NDUFA6: variants seen among roughly 807,000 people sequenced by gnomAD.
NDUFA6 encodes the protein NADH:ubiquinone oxidoreductase subunit A6.
A neutral mutation model predicts 12.5 loss-of-function variants in NDUFA6; 10 were observed. The ratio of observed to expected loss-of-function variants is 0.80; its 90% CI spans 0.49 to 1.35. The LOEUF (loss-of-function observed/expected upper bound fraction) is 1.35, where lower values mean the gene tolerates loss of function less well. Ranked by LOEUF, NDUFA6 falls within the 40% of genes most tolerant of loss-of-function variation. NDUFA6 has a pLI of 0.00. For missense variants in NDUFA6, 177 were observed against 173.5 expected (o/e 1.02, Z -0.11); for synonymous variants, 66 against 63.0 (o/e 1.05, Z -0.23).
rs900450417 is a variant in NDUFA6 at position 42,090,690 on chromosome 22, G to A, written c.55C>T (p.Pro19Ser). Residue 19 changes from proline to serine, a missense_variant, in exon 1 of 3, where the codon CCC (proline) becomes TCC (serine). Physicochemically the swap from Pro to Ser is moderately conservative, Grantham distance 74. Transcript: ENST00000498737. ...ATSTASTFVKPIFSRDMNEAK... is the reference protein window; with the variant it reads ...ATSTASTFVKSIFSRDMNEAK... ...TCGTTCATGTCCCGACTGAAAATGG[G>A]CTTCACGAAGGTGCTGGCGGTAGAA... 1.2e-6 allele frequency: 2 copies of A among 1,614,164 alleles called. No homozygotes were observed. Among genetic ancestry groups the A allele is most frequent in the Non-Finnish European group, 1.7e-6 (2 of 1,180,032 alleles).
Position 42,085,739 on chromosome 22 carries a change from A to G in NDUFA6, c.*444T>C, listed in dbSNP as rs1172757329. 1 of 252,604 alleles carries G rather than the reference A, an allele frequency of 4.0e-6. No individual in the cohort carries two copies. Among genetic ancestry groups the G allele is most frequent in the Non-Finnish European group, 7.8e-6 (1 of 127,700 alleles). The allele number at this position is 252,604 out of a possible 1,614,324, so 15.6% of individuals were successfully genotyped here. On this transcript the variant is annotated 3_prime_UTR_variant, in exon 3 of 3. Coordinates refer to ENST00000498737, the MANE Select transcript of NDUFA6 (RefSeq NM_002490.6). Reference sequence around the variant, plus strand: ...GCACATCCATTTTCTTCAGAACCCAAGGAAAACTAGCCCATCTTGACAGCT... The same window carrying G: ...GCACATCCATTTTCTTCAGAACCCAGGGAAAACTAGCCCATCTTGACAGCT...
chr22:42,088,980 C>A (rs1238948474), intron 1 of NDUFA6, among the ~76,000 whole-genome samples: 1 of 151,906 alleles, frequency 6.6e-6, no homozygotes, highest in East Asian at 1.9e-4. Context: ...TTGACCCCTT[C>A]TTTTCTCTCC....
chr22:42,089,049 C>G (rs1228752622), intron 1 of NDUFA6, among the ~76,000 whole-genome samples: 1 of 152,128 alleles, frequency 6.6e-6, no homozygotes, highest in Non-Finnish European at 1.5e-5. Context: ...CTCTCAAGAC[C>G]CTTCTGACTT....
intron 1 of NDUFA6, among the ~76,000 whole-genome samples, chr22:42,088,448 G>T (rs1459503319): frequency 6.6e-6 from 1 of 151,742 alleles, no homozygotes; most frequent in Non-Finnish European, 1.5e-5. Context: ...AGCTGGGCGC[G>T]GTGGCTCACG....
At chr22:42,086,656 A>G (rs1286087636) in intron 2 of NDUFA6, among the ~76,000 whole-genome samples, 1 of 152,174 alleles carries the variant, frequency 6.6e-6, no homozygotes, top group African/African-American at 2.4e-5. Flanking sequence ...TGAAGCTCCC[A>G]TTGATGCTAA....
rs755171177 is a variant in NDUFA6 at position 42,090,619 on chromosome 22, C to T, written c.126G>A (p.Glu42=). The T allele has an allele frequency of 1.9e-6, 3 of 1,613,952 alleles. No individual in the cohort carries two copies. In the East Asian group the frequency reaches 6.7e-5, roughly 36 times the overall value. The change falls in exon 1 of 3, where the codon GAG becomes GAA. Residue 42 remains glutamate (E), a synonymous_variant. Transcript: ENST00000498737. ...GCTACCTCTCACCAGTGTTCGGCAC[C>T]TCCCGATACCAGGCGCGGTAGAGCT... ...VRELYRAWYR[E]VPNTVHQFQL...
In NDUFA6 at chr22:42,087,090, G is replaced by T; in HGVS notation, c.225C>A (p.Asp75Glu). Reference protein sequence around the residue: ...EMFMKNAHVTDPRVVDLLVIK... With the variant: ...EMFMKNAHVTEPRVVDLLVIK... Reference sequence around the variant, plus strand: ...TGACCAGAAGATCAACCACCCTGGGGTCTGTGACATGGGCATTCTTCATAA... The same window carrying T: ...TGACCAGAAGATCAACCACCCTGGGTTCTGTGACATGGGCATTCTTCATAA... The change falls in exon 2 of 3, where the codon GAC (aspartate) becomes GAA (glutamate). Residue 75 changes from aspartate to glutamate, a missense_variant. Physicochemically the swap from Asp to Glu is conservative, Grantham distance 45. This residue lies in a region of NDUFA6 where 62 missense variants were observed against 69.4 expected (regional missense o/e 0.89). Coordinates refer to ENST00000498737, the MANE Select transcript of NDUFA6 (RefSeq NM_002490.6). The T allele has an allele frequency of 5.0e-6, 8 of 1,614,048 alleles. No individual in the cohort carries two copies. The highest frequency in any genetic ancestry group is 5.9e-6 in the Non-Finnish European group (7 of 1,179,896).
At chr22:42,086,555 G>A (rs960519379) in intron 2 of NDUFA6, among the ~76,000 whole-genome samples, 5 of 152,180 alleles carry the variant, frequency 3.3e-5, no homozygotes, top group African/African-American at 1.2e-4. Flanking sequence ...AAACATACAG[G>A]TTAACAGGCT....
At chr22:42,089,303 C>A (rs901454583) in intron 1 of NDUFA6, among the ~76,000 whole-genome samples, 2 of 148,086 alleles carry the variant, frequency 1.4e-5, no homozygotes, top group African/African-American at 5.1e-5. Flanking sequence ...TTTCAAACTG[C>A]TGAATTTGAA....
Position 42,090,100 on chromosome 22 carries a change from T to A in NDUFA6, c.139+506A>T, listed in dbSNP as rs192654438. 526 of 187,718 alleles carry A rather than the reference T, an allele frequency of 2.8e-3. 9 individuals are homozygous for A. Among genetic ancestry groups the A allele is most frequent in the Admixed American group, 0.026 (484 of 18,462 alleles). 11.6% of individuals were successfully genotyped at this position (187,718 alleles called of 1,614,324 possible). On this transcript the variant is annotated intron_variant, in intron 1 of 2. Transcript: ENST00000498737. Reference sequence around the variant, plus strand: ...GGAGGCTGAGGCTGAGGCAGGAGAATGACGTGAATCCGGGAGGCGGAGCTT... The same window carrying A: ...GGAGGCTGAGGCTGAGGCAGGAGAAAGACGTGAATCCGGGAGGCGGAGCTT...
rs745571340 is a variant in NDUFA6, at chr22:42,086,211, G to C, written c.359C>G (p.Ser120Cys). 1 of 1,614,220 alleles carries C rather than the reference G, an allele frequency of 6.2e-7. No individual in the cohort carries two copies. Among genetic ancestry groups the C allele is most frequent in the Non-Finnish European group, 8.5e-7 (1 of 1,180,048 alleles). The change falls in exon 3 of 3, where the codon TCC (serine) becomes TGC (cysteine). Residue 120 changes from serine to cysteine, a missense_variant. By Grantham distance (112) the Ser-to-Cys change is moderately radical. Coordinates refer to ENST00000498737, the MANE Select transcript of NDUFA6 (RefSeq NM_002490.6). ...TEAPRPKDFL[S>C]KFYVGHDP is the part of the protein sequence containing the mutation. The stretch of plus-strand genomic sequence containing the variant: ...TGGATCGTGGCCAACATAGAACTTG[G>C]ATAGGAAATCCTTTGGCCTTGGCGC...
intron 2 of NDUFA6, among the ~76,000 whole-genome samples, 155 bp downstream of exon 2, chr22:42,086,905 C>A (rs1305941855): frequency 6.6e-6 from 1 of 152,208 alleles, no homozygotes; most frequent in Non-Finnish European, 1.5e-5. Flanking sequence ...CAGATGATAA[C>A]CTCCAAGTTC....
Position 42,086,257 on chromosome 22 carries a change from GCATAA to G in NDUFA6, c.308_312del (p.Val103AlafsTer5). The G allele has an allele frequency of 6.2e-7, 1 of 1,614,186 alleles. No individual in the cohort carries two copies. The highest frequency in any genetic ancestry group is 8.5e-7 in the Non-Finnish European group (1 of 1,179,992). On this transcript the variant is annotated frameshift_variant, in exon 3 of 3. Coordinates refer to ENST00000498737, the MANE Select transcript of NDUFA6 (RefSeq NM_002490.6). LOFTEE classifies it high-confidence loss of function. ...GGCGCTTCTGTTTCATGGAAGAACCGCATAACATGTGTCCGCTGCTTCCATACTTT... is the reference window on the plus strand; with the variant it reads ...GGCGCTTCTGTTTCATGGAAGAACCGCATGTGTCCGCTGCTTCCATACTTT...
At position 42,086,328 on chromosome 22, in the gene NDUFA6, A is replaced by G; in HGVS notation, c.256-14T>C. On this transcript the variant is annotated splice_polypyrimidine_tract_variant and intron_variant, in intron 2 of 2. Coordinates refer to ENST00000498737, the MANE Select transcript of NDUFA6 (RefSeq NM_002490.6). ...TTCGATCTTTCCCTGAACAGTGAGG[A>G]GAGAGGTCATCAGTCAAAGTTGTCA... 2 of 1,614,202 alleles carry G rather than the reference A, an allele frequency of 1.2e-6. No homozygotes were observed. Among genetic ancestry groups the G allele is most frequent in the Non-Finnish European group, 1.7e-6 (2 of 1,180,038 alleles).
At position 42,085,685 on chromosome 22, in the gene NDUFA6, C is replaced by T. The variant is rs1043866980; in HGVS notation, c.*498G>A. 3 of 215,756 alleles carry T rather than the reference C, an allele frequency of 1.4e-5. No individual in the cohort carries two copies. Among genetic ancestry groups the T allele is most frequent in the Non-Finnish European group, 2.8e-5 (3 of 106,176 alleles). 13.4% of individuals were successfully genotyped at this position (215,756 alleles called of 1,614,324 possible). On this transcript the variant is annotated 3_prime_UTR_variant, in exon 3 of 3. Transcript: ENST00000498737. The stretch of plus-strand genomic sequence containing the variant: ...GTTAATTTCATTTTAAGGGCTGGAG[C>T]TTGTTACAAGTAGCGGAGCCAAGCC...
Position 42,085,943 on chromosome 22 carries a change from T to C in NDUFA6, c.*240A>G. On this transcript the variant is annotated 3_prime_UTR_variant, in exon 3 of 3. Transcript: ENST00000498737. The stretch of plus-strand genomic sequence containing the variant: ...TTTTTGAACAGATGGCCTCCTTCCT[T>C]CCTGTTTACTGACATGCAAGGCTCT... 1 of 600,150 alleles carries C rather than the reference T, an allele frequency of 1.7e-6. No homozygotes were observed. Among genetic ancestry groups the C allele is most frequent in the Non-Finnish European group, 2.9e-6 (1 of 340,482 alleles). 37.2% of individuals were successfully genotyped at this position (600,150 alleles called of 1,614,324 possible). A position where few individuals can be genotyped will look rare whatever the true frequency, so the allele number is the denominator to read the frequency against.
chr22:42,087,812 ATAAT>A (rs1306097736), intron 1 of NDUFA6, among the ~76,000 whole-genome samples: 2 of 149,594 alleles, frequency 1.3e-5, no homozygotes, highest in Admixed American at 1.3e-4. Context: ...AAAAAAAATA[ATAAT>A]TATTTTATTA....
chr22:42,090,462 C>A, intron 1 of NDUFA6, 144 bp downstream of exon 1: 1 of 1,008,498 alleles, frequency 9.9e-7, no homozygotes, highest in Non-Finnish European at 1.5e-6. Flanking sequence ...ATGGTAGGCT[C>A]GGGTGACCCT....
rs376656397 is a variant in NDUFA6, at chr22:42,090,748, G to A, written c.-4C>T. On this transcript the variant is annotated 5_prime_UTR_variant, in exon 1 of 3. It introduces an in-frame stop codon into an upstream open reading frame of the 5' UTR. Coordinates refer to ENST00000498737, the MANE Select transcript of NDUFA6 (RefSeq NM_002490.6). ...GGCGGACGCCGCTCCCCGCCATCTT[G>A]CCAAAGCATCCACTCCACAACCCCA... 9 of 1,614,186 alleles carry A rather than the reference G, an allele frequency of 5.6e-6. No individual in the cohort carries two copies. Among genetic ancestry groups the A allele is most frequent in the Non-Finnish European group, 7.6e-6 (9 of 1,180,044 alleles).
Sources: gnomAD v4.1 joint callset for allele counts (sites outside exome capture counted in the v4.1 genomes callset) on GRCh38, gnomAD v4.1.1 for gene constraint, gnomAD v4.1.1 regional missense constraint, MANE v1.5 for transcripts, NCBI Gene and HGNC (gene_info 2026-07-23, HGNC 2026-07-21) for gene names.